LRP2: variants seen among roughly 807,000 people sequenced by gnomAD.
The protein encoded by LRP2 is low-density lipoprotein receptor-related protein 2.
In LRP2, 172 loss-of-function variants were observed where a neutral mutation model predicts 531.0. The ratio of observed to expected loss-of-function variants is 0.32; its 90% confidence interval spans 0.29 to 0.37. LRP2 has a LOEUF of 0.37. Among genes scored for constraint, LRP2 ranks in the 10% least tolerant of loss-of-function variants. LRP2 has a pLI of 1.00. For synonymous variants in LRP2, 1,992 were observed against 2,027.6 expected, an observed-to-expected ratio of 0.98 and a Z score of 0.47; for missense variants, 5,167 against 5,868.3, an observed-to-expected ratio of 0.88 and a Z score of 3.90.
In LRP2 at chr2:169,139,108, C is replaced by T. The variant is rs1209677590; in HGVS notation, c.13388+143G>A. On this transcript the variant is annotated intron_variant, in intron 74 of 78. Transcript: ENST00000649046. ...GTTGGGATTTGAAGTGACTGCTTTA[C>T]ATCCTCACTACTTTTTGTTTCTGTG... The T allele has an allele frequency of 2.5e-6, 3 of 1,216,430 alleles. No individual in the cohort carries two copies. The African/African-American group carries it at 4.5e-5, about 18-fold the overall frequency. 75.4% of individuals were successfully genotyped at this position (1,216,430 alleles called of 1,614,324 possible).
At chr2:169,306,614 T>G (rs536978275) in intron 4 of LRP2, among the ~76,000 whole-genome samples, 31 of 152,310 alleles carry the variant, frequency 2.0e-4, no homozygotes, top group African/African-American at 7.2e-4. Context: ...ACTATAGGAC[T>G]GACACAGCAG....
At chr2:169,272,448 A>G (rs1559050940) in intron 15 of LRP2, among the ~76,000 whole-genome samples, 1 of 152,168 alleles carries the variant, frequency 6.6e-6, no homozygotes, top group East Asian at 1.9e-4. Flanking sequence ...AAAATAAGCC[A>G]GATAAGATTC....
At chr2:169,148,163 C>T (rs899860474) in intron 68 of LRP2, among the ~76,000 whole-genome samples, 8 of 152,170 alleles carry the variant, frequency 5.3e-5, no homozygotes, top group African/African-American at 1.9e-4. Context: ...GTAAATACCA[C>T]CTTGTTTGGT....
At chr2:169,294,109 C>T (rs1424466273) in intron 6 of LRP2, 39 bp downstream of exon 6, 1 of 1,403,272 alleles carries the variant, frequency 7.1e-7, no homozygotes, top group South Asian at 1.2e-5. Flanking sequence ...AAACAAAACA[C>T]TCCCAACAAC....
At chr2:169,335,690 C>T (rs184414981) in intron 1 of LRP2, among the ~76,000 whole-genome samples, 282 of 152,132 alleles carry the variant, frequency 1.9e-3, no homozygotes, top group Non-Finnish European at 2.9e-3. Flanking sequence ...TCTCCAGGAC[C>T]CACGTTTAAA....
intron 38 of LRP2, among the ~76,000 whole-genome samples, chr2:169,208,398 C>T (rs1688472210): frequency 6.6e-6 from 1 of 152,080 alleles, no homozygotes; most frequent in Admixed American, 6.6e-5. Context: ...TTACTTTTTG[C>T]AATAAACTCT....
intron 1 of LRP2, among the ~76,000 whole-genome samples, chr2:169,327,231 T>G (rs1574260825): frequency 3.4e-5 from 3 of 88,468 alleles, no homozygotes; most frequent in African/African-American, 9.3e-5. Context: ...GGGAGGGAGG[T>G]GGGGGGGTCA....
At chr2:169,192,069 G>A (rs750601516) in intron 47 of LRP2, 36 bp from the exon 48 acceptor site, 3 of 1,541,732 alleles carry the variant, frequency 1.9e-6, no homozygotes, top group Admixed American at 1.7e-5. Context: ...GAAAGCATGA[G>A]AGCTCAGTGC....
intron 48 of LRP2, 29 bp downstream of exon 48, chr2:169,191,803 G>A (rs1687839257): frequency 6.2e-7 from 1 of 1,601,854 alleles, no homozygotes; most frequent in Admixed American, 1.7e-5. Flanking sequence ...TTTGAGGCAT[G>A]CTGGGTAACT....
chr2:169,262,187 G>C lies in LRP2; in HGVS notation c.2321-2970C>G, dbSNP rs375919924. 2.7e-5 allele frequency among the ~76,000 whole-genome samples: 4 copies of C among 148,124 alleles called. No homozygotes were observed. In the East Asian group the frequency reaches 8.0e-4, roughly 30 times the overall value. ...GCATTCCCTTTGAAAACTGGCACAAGACAGGGATGCCCTCTCTCACCACTC... is the reference window on the plus strand; with the variant it reads ...GCATTCCCTTTGAAAACTGGCACAACACAGGGATGCCCTCTCTCACCACTC... On this transcript the variant is annotated intron_variant, in intron 16 of 78. Coordinates refer to ENST00000649046, the MANE Select transcript of LRP2 (RefSeq NM_004525.3).
intron 1 of LRP2, among the ~76,000 whole-genome samples, chr2:169,333,514 A>G (rs569192846): frequency 3.0e-5 from 4 of 131,548 alleles, no homozygotes; most frequent in Non-Finnish European, 3.2e-5. Context: ...GGAAGGAAGG[A>G]AGGGAGGGAG....
chr2:169,206,522 T>C lies in LRP2; in HGVS notation c.7198A>G (p.Ser2400Gly). The change falls in exon 39 of 79, where the codon AGC becomes GGC. Residue 2400 changes from serine (S) to glycine (G), a missense_variant. This residue lies in a region of LRP2 where 2,811 missense variants were observed against 3,058.0 expected (regional missense o/e 0.92). Coordinates refer to ENST00000649046, the MANE Select transcript of LRP2 (RefSeq NM_004525.3). ...LIFALSNSLR[S>G]LHLDPENHSP... ...TGGTTTTCAGGGTCCAAGTGTAAGC[T>C]TCTCAAGGAATTAGACAAGGCAAAG... 1 of 1,614,216 alleles carries C rather than the reference T, an allele frequency of 6.2e-7. No homozygotes were observed. Among genetic ancestry groups the C allele is most frequent in the Non-Finnish European group, 8.5e-7 (1 of 1,180,028 alleles).
chr2:169,189,102 C>T (rs1449146435), intron 48 of LRP2, among the ~76,000 whole-genome samples: 1 of 152,118 alleles, frequency 6.6e-6, no homozygotes, highest in African/African-American at 2.4e-5. Context: ...ACTCCAAGAT[C>T]CCATAAAAGT....
chr2:169,331,681 T>C (rs1685271887), intron 1 of LRP2, among the ~76,000 whole-genome samples: 1 of 152,222 alleles, frequency 6.6e-6, no homozygotes, highest in African/African-American at 2.4e-5. Context: ...ATGGCCTGCC[T>C]GCCCAGGTAA....
intron 31 of LRP2, among the ~76,000 whole-genome samples, chr2:169,229,421 T>C (rs1182259185): frequency 6.6e-6 from 1 of 152,194 alleles, no homozygotes; most frequent in Non-Finnish European, 1.5e-5. Context: ...TGATCAGCAC[T>C]GCAGCCTTCC....
chr2:169,178,141 G>A, intron 52 of LRP2, 115 bp from the exon 53 acceptor site: 1 of 789,700 alleles, frequency 1.3e-6, no homozygotes, highest in South Asian at 1.5e-5. Context: ...GATAATATAA[G>A]TTCAGATCCT....
chr2:169,209,362 C>T (rs1334590353), intron 38 of LRP2, 91 bp downstream of exon 38: 5 of 1,281,320 alleles, frequency 3.9e-6, no homozygotes, highest in Non-Finnish European at 5.7e-6. Context: ...GAAAAACAAA[C>T]CTGTAGCACA....
At chr2:169,177,748 A>C in intron 53 of LRP2, 55 bp downstream of exon 53, 1 of 1,403,712 alleles carries the variant, frequency 7.1e-7, no homozygotes. Flanking sequence ...AAAGACAATC[A>C]TGACATGCAC....
At chr2:169,137,601 T>C (rs1685563006) in intron 75 of LRP2, 108 bp from the exon 76 acceptor site, 2 of 660,214 alleles carry the variant, frequency 3.0e-6, no homozygotes, top group Non-Finnish European at 5.4e-6. Flanking sequence ...TCCTCACACC[T>C]GGAGGTACGC....
Sources: allele counts gnomAD v4.1 joint callset (sites outside exome capture counted in the v4.1 genomes callset), GRCh38; gene constraint gnomAD v4.1.1; regional missense constraint gnomAD v4.1.1; transcripts MANE v1.5; gene names NCBI Gene and HGNC (gene_info 2026-07-23, HGNC 2026-07-21).